The following KIF1B variants were observed in gnomAD, a reference collection of about 807,000 sequenced individuals.
KIF1B encodes the protein kinesin family member 1B, also known as kinesin-like protein KIF1B.
In KIF1B, 76 loss-of-function variants were observed where a neutral mutation model predicts 241.9. That is an observed-to-expected ratio of 0.31 (90% CI 0.26 to 0.38). The LOEUF (loss-of-function observed/expected upper bound fraction) is 0.38. Ranked by LOEUF, KIF1B falls within the 10% of genes least tolerant of loss-of-function variation. The probability of loss-of-function intolerance (pLI) is 1.00; values close to 1 mark genes in which losing one functional copy is unlikely to be tolerated. For synonymous variants in KIF1B, 750 were observed against 796.7 expected, an observed-to-expected ratio of 0.94 and a Z score of 0.99; for missense variants, 1,622 against 2,271.4, an observed-to-expected ratio of 0.71 and a Z score of 5.81.
At chr1:10,216,909 C>T (rs1320920566) in intron 1 of KIF1B, among the ~76,000 whole-genome samples, 1 of 147,836 alleles carries the variant, frequency 6.8e-6, no homozygotes, top group Non-Finnish European at 1.5e-5. Flanking sequence ...TCTGTAGGAA[C>T]TCGCAGTATT....
chr1:10,346,358 GT>G (rs932667796), intron 35 of KIF1B, among the ~76,000 whole-genome samples: 1 of 140,560 alleles, frequency 7.1e-6, no homozygotes, highest in Admixed American at 7.3e-5. Flanking sequence ...GTTTTTTGGG[GT>G]TTTTTTTGTT....
intron 31 of KIF1B, among the ~76,000 whole-genome samples, chr1:10,338,039 C>G (rs557735940): frequency 2.8e-4 from 43 of 152,262 alleles, no homozygotes; most frequent in Non-Finnish European, 5.4e-4. Context: ...CTTGCTCTTT[C>G]CCGCGGCCCT....
chr1:10,260,904 C>G (rs1451693041), intron 4 of KIF1B, among the ~76,000 whole-genome samples: 1 of 150,432 alleles, frequency 6.6e-6, no homozygotes, highest in Non-Finnish European at 1.5e-5. Flanking sequence ...ACACTTTGTA[C>G]AGCTGTACAA....
chr1:10,381,499 T>C lies in KIF1B; in HGVS notation c.*4912T>C, dbSNP rs1639020378. On this transcript the variant is annotated 3_prime_UTR_variant, in exon 49 of 49. Transcript: ENST00000676179. ...TTCTGATTCTTTTGCTGTATAGCCT[T>C]AGATGTGCAATGCAGACACTATCTA... is the stretch of plus-strand genomic sequence containing the variant. 1.5e-5 allele frequency: 3 copies of C among 204,038 alleles called. No homozygotes were observed. Among genetic ancestry groups the C allele is most frequent in the Admixed American group, 1.2e-4 (2 of 16,734 alleles). 12.6% of individuals were successfully genotyped at this position (204,038 alleles called of 1,614,324 possible). A position where few individuals can be genotyped will look rare whatever the true frequency, so the allele number is the denominator to read the frequency against.
chr1:10,214,550 A>G (rs1646737423), intron 1 of KIF1B, among the ~76,000 whole-genome samples: 1 of 148,582 alleles, frequency 6.7e-6, no homozygotes, highest in South Asian at 2.1e-4. Context: ...GGCCTCCCAA[A>G]GTGCTGGGAT....
chr1:10,251,460 C>T (rs1049588204), intron 2 of KIF1B, among the ~76,000 whole-genome samples: 4 of 151,416 alleles, frequency 2.6e-5, no homozygotes, highest in African/African-American at 9.7e-5. Context: ...ATTGGCTGGG[C>T]GCGGTGGCTC....
intron 1 of KIF1B, among the ~76,000 whole-genome samples, chr1:10,217,978 C>G (rs528557001): frequency 2.6e-5 from 4 of 152,190 alleles, no homozygotes; most frequent in African/African-American, 7.2e-5. Flanking sequence ...CAGTAAATAG[C>G]TATTGAATAA....
chr1:10,276,458 T>C (rs1649113353), intron 12 of KIF1B, 59 bp downstream of exon 12: 2 of 1,155,628 alleles, frequency 1.7e-6, no homozygotes, highest in Admixed American at 1.8e-5. Flanking sequence ...AGCCATTTTG[T>C]GATACCATGG....
chr1:10,287,776 C>T (rs906731881), intron 15 of KIF1B, among the ~76,000 whole-genome samples: 2 of 152,028 alleles, frequency 1.3e-5, no homozygotes, highest in African/African-American at 4.8e-5. Flanking sequence ...CTACAGTTGC[C>T]CCAAAATAGG....
intron 15 of KIF1B, among the ~76,000 whole-genome samples, chr1:10,284,866 A>AC (rs980552735): frequency 2.4e-4 from 37 of 152,192 alleles, no homozygotes; most frequent in African/African-American, 8.7e-4. Flanking sequence ...CATCTCAAAA[A>AC]AAAAACAAAA....
At chr1:10,376,437 T>G in intron 48 of KIF1B, 108 bp from the exon 49 acceptor site, 1 of 1,106,490 alleles carries the variant, frequency 9.0e-7, no homozygotes, top group Non-Finnish European at 1.4e-6. Context: ...AGGCCTGCGG[T>G]GCCAAATAGG....
At chr1:10,247,375 C>T (rs1392014767) in intron 2 of KIF1B, among the ~76,000 whole-genome samples, 2 of 151,996 alleles carry the variant, frequency 1.3e-5, no homozygotes, top group Admixed American at 1.3e-4. Flanking sequence ...CTAAAATAGC[C>T]ACTTCTACCA....
intron 22 of KIF1B, among the ~76,000 whole-genome samples, chr1:10,302,600 G>A (rs910362984): frequency 2.6e-5 from 4 of 152,068 alleles, no homozygotes; most frequent in African/African-American, 9.7e-5. Context: ...AAAACCTGGC[G>A]TCCTACAGCC....
rs899706538 is a variant in KIF1B, at chr1:10,238,076, G to T, written c.106+5642G>T. Among the ~76,000 whole-genome samples, 11 of 152,052 alleles carry T rather than the reference G, an allele frequency of 7.2e-5. No homozygotes were observed. The East Asian group carries it at 1.6e-3, about 21-fold the overall frequency. Reference sequence around the variant, plus strand: ...GGCAAAATGGAGATTTGGAAAGGAAGAGTTTAGAAAGTAATGCATTTAGGC... The same window carrying T: ...GGCAAAATGGAGATTTGGAAAGGAATAGTTTAGAAAGTAATGCATTTAGGC... On this transcript the variant is annotated intron_variant, in intron 2 of 48. Transcript: ENST00000676179.
rs1638952071 is a variant in KIF1B, at chr1:10,378,783, A to C, written c.*2196A>C. 1 of 264,886 alleles carries C rather than the reference A, an allele frequency of 3.8e-6. No homozygotes were observed. The highest frequency in any genetic ancestry group is 2.2e-5 in the African/African-American group (1 of 46,306). 16.4% of individuals were successfully genotyped at this position (264,886 alleles called of 1,614,324 possible). A position where few individuals can be genotyped will look rare whatever the true frequency, so the allele number is the denominator to read the frequency against. ...TCCTTATCACTGCATTGTGAAGAGG[A>C]GGAAAAGTGAATCACGGAGAGAGAA... On this transcript the variant is annotated 3_prime_UTR_variant, in exon 49 of 49. Transcript: ENST00000676179.
At chr1:10,217,343 C>CTTTTT (rs769372780) in intron 1 of KIF1B, among the ~76,000 whole-genome samples, 4 of 131,992 alleles carry the variant, frequency 3.0e-5, no homozygotes, top group Non-Finnish European at 4.9e-5. Context: ...CTTTCTTTTT[C>CTTTTT]TTTTTTTTTT....
In KIF1B at chr1:10,323,985, C is replaced by T. The variant is rs751285467; in HGVS notation, c.2460C>T (p.Phe820=). ...EMEKTHEDRP[F]PRTVVAVEVQ... ...AAAAAACTCATGAGGACAGGCCTTTCCCTCGCACAGTGGTAGCAGTAGAAG... is the reference window on the plus strand; with the variant it reads ...AAAAAACTCATGAGGACAGGCCTTTTCCTCGCACAGTGGTAGCAGTAGAAG... Residue 820 remains phenylalanine (F), a synonymous_variant, in exon 25 of 49, where the codon TTC becomes TTT. Transcript: ENST00000676179. The T allele has an allele frequency of 6.2e-7, 1 of 1,614,128 alleles. No individual in the cohort carries two copies. The highest frequency in any genetic ancestry group is 1.1e-5 in the South Asian group (1 of 91,070).
chr1:10,342,542 C>T (rs553277735), intron 33 of KIF1B, among the ~76,000 whole-genome samples: 1 of 152,272 alleles, frequency 6.6e-6, no homozygotes, highest in South Asian at 2.1e-4. Flanking sequence ...CAACAGTGGG[C>T]CTTTCTGATG....
chr1:10,301,638 C>T (rs954041175), intron 22 of KIF1B, among the ~76,000 whole-genome samples: 4 of 151,296 alleles, frequency 2.6e-5, no homozygotes, highest in South Asian at 2.1e-4. Flanking sequence ...CCAGCCTGGG[C>T]GACAGAGCAA....
Sources: gnomAD v4.1 joint callset for allele counts (sites outside exome capture counted in the v4.1 genomes callset) on GRCh38, gnomAD v4.1.1 for gene constraint, MANE v1.5 for transcripts, NCBI Gene and HGNC (gene_info 2026-07-23, HGNC 2026-07-21) for gene names.